INPP5A: variants seen among roughly 807,000 people sequenced by gnomAD.
The protein encoded by INPP5A is 43 kDa inositol polyphosphate 5-phophatase.
Under a neutral mutation model 65.2 loss-of-function variants are expected in INPP5A, and 14 were observed. The ratio of observed to expected loss-of-function variants is 0.21; its 90% CI spans 0.14 to 0.34. The LOEUF is 0.34. INPP5A is among the 10% of genes least tolerant of loss of function. INPP5A has a pLI of 1.00. For missense variants in INPP5A, 431 were observed against 545.6 expected, an observed-to-expected ratio of 0.79 and a Z score of 2.09; for synonymous variants, 207 against 208.3, an observed-to-expected ratio of 0.99 and a Z score of 0.05.
At chr10:132,775,565 C>T (rs542642434) in intron 12 of INPP5A, among the ~76,000 whole-genome samples, 19 of 152,234 alleles carry the variant, frequency 1.2e-4, no homozygotes, top group African/African-American at 3.6e-4. Flanking sequence ...CCACAGGGAG[C>T]ACCCCTGGCT....
intron 9 of INPP5A, among the ~76,000 whole-genome samples, chr10:132,735,188 G>T (rs1210771756): frequency 1.3e-5 from 2 of 152,212 alleles, no homozygotes; most frequent in African/African-American, 4.8e-5. Flanking sequence ...CACATTCAGA[G>T]GCCACGTTGG....
Position 132,650,396 on chromosome 10 carries a change from G to T in INPP5A, c.219-22G>T, listed in dbSNP as rs1276145146. On this transcript the variant is annotated intron_variant, in intron 3 of 15. Coordinates refer to ENST00000368594, the MANE Select transcript of INPP5A (RefSeq NM_005539.5). The surrounding 1 kb of genome is among the most constrained non-coding windows in gnomAD (Gnocchi z 5.5). ...AGGCGTCTGTGTGGCTTTTCCTCAG[G>T]AACCTACTTTCTTCCTTCCAGAGAA... The T allele has an allele frequency of 6.3e-7, 1 of 1,586,650 alleles. No homozygotes were observed.
At chr10:132,572,629 G>A (rs2071359739) in intron 1 of INPP5A, among the ~76,000 whole-genome samples, 1 of 152,068 alleles carries the variant, frequency 6.6e-6, no homozygotes, top group Non-Finnish European at 1.5e-5. Context: ...AAGTGTTTTT[G>A]GTACTGCTGG....
chr10:132,565,681 TTGTG>T (rs1291369600), intron 1 of INPP5A, among the ~76,000 whole-genome samples: 5 of 151,170 alleles, frequency 3.3e-5, no homozygotes, highest in African/African-American at 1.2e-4. Context: ...GTGGGTGTGT[TTGTG>T]TGAGTGCATG....
intron 1 of INPP5A, among the ~76,000 whole-genome samples, chr10:132,558,957 C>G (rs146475656): frequency 2.0e-5 from 3 of 152,214 alleles, no homozygotes; most frequent in Non-Finnish European, 4.4e-5. Context: ...ACGGTGCCCA[C>G]CCTGGTCGAG....
At chr10:132,566,972 A>G (rs2133278007) in intron 1 of INPP5A, among the ~76,000 whole-genome samples, 1 of 152,366 alleles carries the variant, frequency 6.6e-6, no homozygotes, top group Admixed American at 6.5e-5. Flanking sequence ...GAGAAATAGT[A>G]ACTGTTGCTA....
At chr10:132,693,180 A>G (rs1459351763) in intron 5 of INPP5A, among the ~76,000 whole-genome samples, 3 of 152,104 alleles carry the variant, frequency 2.0e-5, no homozygotes, top group East Asian at 3.8e-4. Flanking sequence ...TGATGTGTTA[A>G]GAGAGGAGAG....
chr10:132,624,339 T>G (rs1287049243), intron 2 of INPP5A, among the ~76,000 whole-genome samples: 1 of 152,224 alleles, frequency 6.6e-6, no homozygotes, highest in African/African-American at 2.4e-5. Context: ...TGAAGGAGTT[T>G]GAAGTGTGAG....
intron 9 of INPP5A, among the ~76,000 whole-genome samples, chr10:132,749,037 G>A (rs900773127): frequency 2.6e-5 from 4 of 152,238 alleles, no homozygotes; most frequent in African/African-American, 7.2e-5. Context: ...TCCCACGTCA[G>A]CTTCACCCAG....
At chr10:132,774,040 G>T (rs1167260965) in intron 12 of INPP5A, among the ~76,000 whole-genome samples, 2 of 152,236 alleles carry the variant, frequency 1.3e-5, no homozygotes, top group African/African-American at 4.8e-5. Context: ...GGGATGACAG[G>T]CGTGAGCCCC....
intron 3 of INPP5A, among the ~76,000 whole-genome samples, chr10:132,648,532 G>A (rs542679279): frequency 6.6e-6 from 1 of 152,226 alleles, no homozygotes; most frequent in Non-Finnish European, 1.5e-5. Context: ...TCTGCCTGAA[G>A]AACGTTCTTT....
chr10:132,542,858 C>T (rs909147381), intron 1 of INPP5A, among the ~76,000 whole-genome samples: 5 of 152,334 alleles, frequency 3.3e-5, no homozygotes, highest in South Asian at 2.1e-4. Flanking sequence ...GGCTGGAGTG[C>T]GGTGGCTCAC....
rs2071109512 is a variant in INPP5A at position 132,555,086 on chromosome 10, G to A, written c.75+16915G>A. Among the ~76,000 whole-genome samples the A allele has an allele frequency of 6.6e-6, 1 of 151,800 alleles. No individual in the cohort carries two copies. The highest frequency in any genetic ancestry group is 1.5e-5 in the Non-Finnish European group (1 of 67,926). ...GGTTGGCATTGATGTGGGTAGCATGGGCAGTGTGGGTGGCATGGCTGCTGT... is the reference window on the plus strand; with the variant it reads ...GGTTGGCATTGATGTGGGTAGCATGAGCAGTGTGGGTGGCATGGCTGCTGT... On this transcript the variant is annotated intron_variant, in intron 1 of 15. Coordinates refer to ENST00000368594, the MANE Select transcript of INPP5A (RefSeq NM_005539.5). This position sits in a 1 kb window ranked among gnomAD's most constrained non-coding sequence, Gnocchi z 4.4.
At chr10:132,750,579 G>A (rs112222700) in intron 11 of INPP5A, among the ~76,000 whole-genome samples, 20 of 152,336 alleles carry the variant, frequency 1.3e-4, no homozygotes, top group African/African-American at 4.6e-4. Flanking sequence ...GTCTACTTTT[G>A]TCCCATTTTT....
At chr10:132,714,010 C>T (rs1323211864) in intron 8 of INPP5A, among the ~76,000 whole-genome samples, 1 of 152,124 alleles carries the variant, frequency 6.6e-6, no homozygotes, top group Non-Finnish European at 1.5e-5. Context: ...GATCAGCCCT[C>T]GGCTTGCAGG....
chr10:132,745,175 G>A (rs1457787023), intron 9 of INPP5A, among the ~76,000 whole-genome samples: 6 of 152,176 alleles, frequency 3.9e-5, no homozygotes, highest in Non-Finnish European at 7.4e-5. Context: ...CTTGGGGCAG[G>A]TGGTTCTGCC....
intron 4 of INPP5A, among the ~76,000 whole-genome samples, chr10:132,669,215 C>T (rs1457962396): frequency 2.0e-5 from 3 of 152,072 alleles, no homozygotes; most frequent in Admixed American, 6.5e-5. Context: ...ATCGTGCCAC[C>T]GCACTCCAGC....
intron 8 of INPP5A, among the ~76,000 whole-genome samples, chr10:132,714,366 AG>A (rs1845703243): frequency 6.6e-6 from 1 of 152,184 alleles, no homozygotes; most frequent in Non-Finnish European, 1.5e-5. Context: ...ACCTCTTGGC[AG>A]CCACCAGCAG....
At chr10:132,703,488 CCA>C (rs1321877322) in intron 6 of INPP5A, among the ~76,000 whole-genome samples, 1 of 146,548 alleles carries the variant, frequency 6.8e-6, no homozygotes, top group Admixed American at 6.8e-5. Flanking sequence ...GCTTCACCCC[CCA>C]CACAGTGTCT....
Sources: gnomAD v4.1 joint callset for allele counts (sites outside exome capture counted in the v4.1 genomes callset) on GRCh38, gnomAD v4.1.1 for gene constraint, Gnocchi (gnomAD v3.1) non-coding constraint, MANE v1.5 for transcripts, NCBI Gene and HGNC (gene_info 2026-07-23, HGNC 2026-07-21) for gene names.